Variants in TMEM131 observed in about 807,000 individuals in gnomAD.
TMEM131 encodes transmembrane protein 131.
Under a neutral mutation model 211.6 loss-of-function variants are expected in TMEM131, and 66 were observed. The observed-to-expected ratio is 0.31, with a 90% CI of 0.26 to 0.38. The LOEUF is 0.38. TMEM131 is among the 10% of genes least tolerant of loss of function. TMEM131 has a pLI of 1.00. For synonymous variants in TMEM131, 844 were observed against 841.3 expected (o/e 1.00, Z -0.06); for missense variants, 2,036 against 2,299.3 (o/e 0.89, Z 2.34).
chr2:97,842,013 A>G (rs924893407), intron 6 of TMEM131, 76 bp from the exon 7 acceptor site: 67 of 1,270,824 alleles, frequency 5.3e-5, no homozygotes, highest in Non-Finnish European at 4.1e-5. Flanking sequence ...TGACTGATCT[A>G]GGGAGACTGG....
At chr2:97,896,300 A>G (rs574705938) in intron 3 of TMEM131, among the ~76,000 whole-genome samples, 3 of 152,304 alleles carry the variant, frequency 2.0e-5, no homozygotes, top group South Asian at 4.1e-4. Flanking sequence ...CAATTTTAGA[A>G]TAAGTGTGAT....
At position 97,857,748 on chromosome 2, in the gene TMEM131, C is replaced by T. The variant is rs568750392; in HGVS notation, c.483+1556G>A. 9.9e-5 allele frequency among the ~76,000 whole-genome samples: 15 copies of T among 152,120 alleles called. No homozygotes were observed. The East Asian group carries it at 1.4e-3, about 14-fold the overall frequency. ...ATCACTGGGGATGATAATAGAACAC[C>T]GACACCTTCACCTTGGCACCTGTCA... On this transcript the variant is annotated intron_variant, in intron 5 of 40. Transcript: ENST00000186436.
At chr2:97,945,018 T>C (rs1677967197) in intron 1 of TMEM131, among the ~76,000 whole-genome samples, 1 of 152,208 alleles carries the variant, frequency 6.6e-6, no homozygotes, top group Admixed American at 6.5e-5. Flanking sequence ...CCAGTGTTCA[T>C]AATAGCATTG....
chr2:97,849,705 ATCTCTC>A (rs200645078), intron 5 of TMEM131, among the ~76,000 whole-genome samples: 1 of 142,550 alleles, frequency 7.0e-6, no homozygotes, highest in South Asian at 2.2e-4. Flanking sequence ...GTGTGTGTAT[ATCTCTC>A]TCTCTCTTTT....
intron 11 of TMEM131, among the ~76,000 whole-genome samples, chr2:97,819,357 C>T (rs1461039546): frequency 1.3e-5 from 2 of 152,186 alleles, no homozygotes; most frequent in Admixed American, 1.3e-4. Flanking sequence ...AAACCTTGTA[C>T]TTGGAGAGCA....
At chr2:97,758,479 T>TG (rs1178905375) in intron 40 of TMEM131, among the ~76,000 whole-genome samples, 1 of 152,232 alleles carries the variant, frequency 6.6e-6, no homozygotes, top group African/African-American at 2.4e-5. Context: ...ACAAAGTAAA[T>TG]GCAGTATCTA....
At chr2:97,937,128 T>C (rs1312968954) in intron 1 of TMEM131, among the ~76,000 whole-genome samples, 2 of 152,058 alleles carry the variant, frequency 1.3e-5, no homozygotes, top group African/African-American at 4.8e-5. Flanking sequence ...TTAAATAAGC[T>C]ATTTTAAATA....
intron 1 of TMEM131, among the ~76,000 whole-genome samples, chr2:97,954,029 C>T (rs189340245): frequency 6.6e-6 from 1 of 152,276 alleles, no homozygotes; most frequent in Admixed American, 6.5e-5. Context: ...GACCGAAACA[C>T]TTATGTCACA....
intron 32 of TMEM131, 60 bp from the exon 33 acceptor site, chr2:97,772,484 C>G: frequency 6.5e-7 from 1 of 1,540,312 alleles, no homozygotes; most frequent in South Asian, 1.2e-5. Context: ...AAATTAGTTC[C>G]ATTTTAAGAT....
At chr2:97,884,872 T>C (rs1289656456) in intron 4 of TMEM131, among the ~76,000 whole-genome samples, 1 of 152,216 alleles carries the variant, frequency 6.6e-6, no homozygotes, top group Non-Finnish European at 1.5e-5. Context: ...AGCCAGTTTA[T>C]ATCTTTTAGA....
intron 1 of TMEM131, among the ~76,000 whole-genome samples, chr2:97,937,459 G>C (rs1330447647): frequency 6.6e-6 from 1 of 151,878 alleles, no homozygotes; most frequent in African/African-American, 2.4e-5. Context: ...CAGAAGAGGA[G>C]AGAAAAAAAG....
chr2:97,972,434 AAGGGGAGGGAGGGAGGG>A (rs1453276047), intron 1 of TMEM131, among the ~76,000 whole-genome samples: 6 of 87,112 alleles, frequency 6.9e-5, no homozygotes, highest in South Asian at 4.4e-4. Flanking sequence ...AAAGGAAAGA[AAGGGGAGGGAGGGAGGG>A]AGGGGAGGGA....
Position 97,797,397 on chromosome 2 carries a change from G to T in TMEM131, c.2838C>A (p.His946Gln), listed in dbSNP as rs767971314. ...KSVKVKFTPV[H>Q]NRTVSSLIIV... ...TGATAAGTGAAGAAACAGTTCTGTT[G>T]TGAACTGGAGTAAACTTTACTTTGA... The change falls in exon 26 of 41, where the codon CAC (histidine) becomes CAA (glutamine). Residue 946 changes from histidine to glutamine, a missense_variant. Transcript: ENST00000186436. 1.9e-6 allele frequency: 3 copies of T among 1,611,336 alleles called. No individual in the cohort carries two copies. In the East Asian group the frequency reaches 6.7e-5, roughly 36 times the overall value.
Position 97,834,852 on chromosome 2 carries a change from G to T in TMEM131, c.878C>A (p.Ala293Asp). The T allele has an allele frequency of 6.2e-7, 1 of 1,613,738 alleles. No individual in the cohort carries two copies. Among genetic ancestry groups the T allele is most frequent in the Non-Finnish European group, 8.5e-7 (1 of 1,179,782 alleles). Residue 293 changes from alanine to aspartate, a missense_variant, in exon 9 of 41, where the codon GCC becomes GAC. Physicochemically the swap from Ala to Asp is moderately radical, Grantham distance 126. Coordinates refer to ENST00000186436, the MANE Select transcript of TMEM131 (RefSeq NM_015348.2). Reference protein sequence around the residue: ...FSSREADNHTAFIRIKTNASD... With the variant: ...FSSREADNHTDFIRIKTNASD... ...AGCATTAGTCTTTATTCTTATGAAGGCTGTGTGATTATCTGCTTCTCTAGA... is the reference window on the plus strand; with the variant it reads ...AGCATTAGTCTTTATTCTTATGAAGTCTGTGTGATTATCTGCTTCTCTAGA...
At chr2:97,929,965 A>G (rs1396610029) in intron 1 of TMEM131, among the ~76,000 whole-genome samples, 2 of 151,808 alleles carry the variant, frequency 1.3e-5, no homozygotes, top group African/African-American at 2.4e-5. Context: ...TGATAAACTC[A>G]TTACAATAAA....
At chr2:97,923,863 G>A (rs557667256) in intron 2 of TMEM131, among the ~76,000 whole-genome samples, 49 of 152,020 alleles carry the variant, frequency 3.2e-4, no homozygotes, top group African/African-American at 1.1e-3. Flanking sequence ...GGTGGATCAC[G>A]AGGTCAGGAG....
At chr2:97,832,000 C>CT (rs1285077441) in intron 11 of TMEM131, among the ~76,000 whole-genome samples, 1 of 32,602 alleles carries the variant, frequency 3.1e-5, no homozygotes, top group Non-Finnish European at 5.8e-5. Context: ...GTGTAAGTCA[C>CT]TTCCAAAAAA....
intron 3 of TMEM131, among the ~76,000 whole-genome samples, chr2:97,894,860 A>C (rs780262175): frequency 6.6e-6 from 1 of 151,952 alleles, no homozygotes; most frequent in Non-Finnish European, 1.5e-5. Flanking sequence ...AATACTCTTT[A>C]TTTCTTTCTC....
chr2:97,806,277 C>G (rs1201801508), intron 19 of TMEM131, among the ~76,000 whole-genome samples: 1 of 152,210 alleles, frequency 6.6e-6, no homozygotes. Flanking sequence ...TGGCTCATGC[C>G]TGTAATCCCA....
Sources: allele counts gnomAD v4.1 joint callset (sites outside exome capture counted in the v4.1 genomes callset), GRCh38; gene constraint gnomAD v4.1.1; transcripts MANE v1.5; gene names NCBI Gene and HGNC (gene_info 2026-07-23, HGNC 2026-07-21).